Variants in CAMK1D observed in about 807,000 individuals in gnomAD.
CAMK1D encodes the protein calcium/calmodulin-dependent protein kinase type 1D.
CAMK1D carries 9 observed loss-of-function variants against 47.7 expected under a neutral mutation model. The observed-to-expected ratio is 0.19, with a 90% confidence interval of 0.11 to 0.33. CAMK1D has a LOEUF of 0.33. CAMK1D is among the 10% of genes least tolerant of loss of function. The pLI, the probability that CAMK1D is intolerant of heterozygous loss-of-function variation, is 1.00. For missense variants in CAMK1D, 291 were observed against 488.7 expected (o/e 0.60, Z 3.81); for synonymous variants, 184 against 184.9 (o/e 0.99, Z 0.04).
At chr10:12,717,908 G>GA (rs893048719) in intron 3 of CAMK1D, among the ~76,000 whole-genome samples, 30 of 129,966 alleles carry the variant, frequency 2.3e-4, no homozygotes, top group East Asian at 4.4e-4. Context: ...AAAAAAAAAA[G>GA]AAAAAAAAAA....
intron 1 of CAMK1D, among the ~76,000 whole-genome samples, chr10:12,485,489 C>T (rs1337662507): frequency 6.6e-6 from 1 of 152,158 alleles, no homozygotes; most frequent in African/African-American, 2.4e-5. Context: ...TGCCACCTGC[C>T]TGTCCCAGGT....
chr10:12,749,245 C>A (rs1024259003), intron 3 of CAMK1D, among the ~76,000 whole-genome samples: 3 of 151,686 alleles, frequency 2.0e-5, no homozygotes, highest in Non-Finnish European at 4.4e-5. Context: ...CCTTAGTAAA[C>A]CTTATAAATA....
chr10:12,389,282 C>T (rs958233308), intron 1 of CAMK1D, among the ~76,000 whole-genome samples: 29 of 152,104 alleles, frequency 1.9e-4, no homozygotes, highest in African/African-American at 5.3e-4. Flanking sequence ...GTGCCAGCCC[C>T]GGGTCTGTGC....
intron 9 of CAMK1D, 144 bp downstream of exon 9, chr10:12,824,696 T>C (rs1833134326): frequency 1.5e-6 from 1 of 659,482 alleles, no homozygotes; most frequent in Middle Eastern, 2.5e-4. Flanking sequence ...TCAGAGGGAA[T>C]ATTATGGTGT....
At chr10:12,800,998 G>A (rs1838406050) in intron 6 of CAMK1D, among the ~76,000 whole-genome samples, 1 of 152,152 alleles carries the variant, frequency 6.6e-6, no homozygotes, top group African/African-American at 2.4e-5. Context: ...TAGAGTGTGG[G>A]ACATTGGGGT....
At chr10:12,450,982 C>T (rs543151153) in intron 1 of CAMK1D, among the ~76,000 whole-genome samples, 2 of 152,226 alleles carry the variant, frequency 1.3e-5, no homozygotes, top group Non-Finnish European at 2.9e-5. Flanking sequence ...GCTTTGAAGA[C>T]CTCCCACCTA....
At chr10:12,389,177 C>G (rs1293594497) in intron 1 of CAMK1D, among the ~76,000 whole-genome samples, 1 of 114,370 alleles carries the variant, frequency 8.7e-6, no homozygotes, top group Admixed American at 1.0e-4. Context: ...GTTCTCTATG[C>G]TAGGGTGGCG....
At chr10:12,471,721 A>G (rs77942210) in intron 1 of CAMK1D, among the ~76,000 whole-genome samples, 9,106 of 152,230 alleles carry the variant, frequency 0.06, 314 homozygotes, top group Non-Finnish European at 0.077. Context: ...TTTCCTGCTA[A>G]GGAGAGATAT....
intron 3 of CAMK1D, among the ~76,000 whole-genome samples, chr10:12,708,998 C>T (rs561994267): frequency 1.3e-5 from 2 of 152,352 alleles, no homozygotes; most frequent in East Asian, 1.9e-4. Context: ...GAGCAGGCAC[C>T]CATGCCCTGG....
At chr10:12,820,803 T>C (rs1032604915) in intron 8 of CAMK1D, among the ~76,000 whole-genome samples, 1 of 152,160 alleles carries the variant, frequency 6.6e-6, no homozygotes, top group Non-Finnish European at 1.5e-5. Context: ...TCACTGAGCA[T>C]TGCTGTTCTC....
At chr10:12,405,039 G>C (rs1330532228) in intron 1 of CAMK1D, among the ~76,000 whole-genome samples, 1 of 152,250 alleles carries the variant, frequency 6.6e-6, no homozygotes, top group East Asian at 1.9e-4. Flanking sequence ...TGTTGATAAA[G>C]GAGAGACCCA....
At chr10:12,700,643 T>C (rs982587001) in intron 3 of CAMK1D, among the ~76,000 whole-genome samples, 1 of 152,104 alleles carries the variant, frequency 6.6e-6, no homozygotes. Flanking sequence ...AGCAAACATA[T>C]ATGAAAGACA....
At chr10:12,798,617 T>C (rs1838292853) in intron 6 of CAMK1D, among the ~76,000 whole-genome samples, 1 of 152,212 alleles carries the variant, frequency 6.6e-6, no homozygotes, top group African/African-American at 2.4e-5. Flanking sequence ...CTGTCTTCAA[T>C]ATCTGCCTAG....
At chr10:12,445,504 T>C (rs893308110) in intron 1 of CAMK1D, among the ~76,000 whole-genome samples, 2 of 152,208 alleles carry the variant, frequency 1.3e-5, no homozygotes, top group Admixed American at 6.5e-5. Flanking sequence ...AATGTTAGCA[T>C]TGCCCTTACA....
At chr10:12,423,648 C>T (rs764691976) in intron 1 of CAMK1D, among the ~76,000 whole-genome samples, 20 of 152,212 alleles carry the variant, frequency 1.3e-4, no homozygotes, top group Non-Finnish European at 2.2e-4. Context: ...GGTCTGGAAG[C>T]GTCAGCGGCA....
At chr10:12,416,542 G>A (rs906031695) in intron 1 of CAMK1D, among the ~76,000 whole-genome samples, 11 of 152,200 alleles carry the variant, frequency 7.2e-5, no homozygotes, top group Non-Finnish European at 1.6e-4. Context: ...TTTATAAACT[G>A]TCGGATGGGG....
chr10:12,817,383 G>T (rs536321058), intron 8 of CAMK1D, among the ~76,000 whole-genome samples: 1 of 152,036 alleles, frequency 6.6e-6, no homozygotes, highest in Non-Finnish European at 1.5e-5. Context: ...GATGCTTTTC[G>T]AATTTGTGTT....
intron 3 of CAMK1D, among the ~76,000 whole-genome samples, chr10:12,739,273 T>G (rs1835316505): frequency 6.6e-6 from 1 of 151,808 alleles, no homozygotes; most frequent in African/African-American, 2.4e-5. Flanking sequence ...ATGAGATAGA[T>G]ACGTTCCCCT....
intron 3 of CAMK1D, among the ~76,000 whole-genome samples, chr10:12,758,013 A>G (rs1836316241): frequency 6.6e-6 from 1 of 151,886 alleles, no homozygotes; most frequent in South Asian, 2.1e-4. Context: ...CATCATGCCC[A>G]GCTAATTTTT....
Sources: allele counts gnomAD v4.1 joint callset (sites outside exome capture counted in the v4.1 genomes callset), GRCh38; gene constraint gnomAD v4.1.1; transcripts MANE v1.5; gene names NCBI Gene and HGNC (gene_info 2026-07-23, HGNC 2026-07-21).